NCMAP: variants seen among roughly 807,000 people sequenced by gnomAD.
NCMAP encodes the protein non-compact myelin associated protein, also known as noncompact myelin-associated protein.
In NCMAP, 8 loss-of-function variants were observed where a neutral mutation model predicts 7.8. The ratio of observed to expected loss-of-function variants is 1.02; its 90% confidence interval spans 0.60 to 1.84. The LOEUF is 1.84. Ranked by LOEUF, NCMAP falls within the 40% of genes most tolerant of loss-of-function variation. The pLI, the probability that NCMAP is intolerant of heterozygous loss-of-function variation, is 0.00. For synonymous variants in NCMAP, 41 were observed against 52.9 expected, an observed-to-expected ratio of 0.78 and a Z score of 0.98; for missense variants, 112 against 131.4, an observed-to-expected ratio of 0.85 and a Z score of 0.72.
chr1:24,594,366 G>T (rs1010592640), intron 1 of NCMAP, among the ~76,000 whole-genome samples: 2 of 152,016 alleles, frequency 1.3e-5, no homozygotes, highest in Non-Finnish European at 2.9e-5. Context: ...AAAATACATT[G>T]TACACTCAGA....
At chr1:24,603,800 A>G (rs929580365) in intron 3 of NCMAP, among the ~76,000 whole-genome samples, 1 of 150,384 alleles carries the variant, frequency 6.6e-6, no homozygotes, top group African/African-American at 2.5e-5. Context: ...AAAGTAATAG[A>G]GAGAAAAAAA....
intron 1 of NCMAP, among the ~76,000 whole-genome samples, chr1:24,591,406 T>G (rs998910818): frequency 2.1e-4 from 32 of 152,346 alleles, no homozygotes; most frequent in South Asian, 1.2e-3. Flanking sequence ...TAGCTGGGAC[T>G]ATAGGCGTGC....
chr1:24,562,208 G>A (rs1015814226), intron 1 of NCMAP, among the ~76,000 whole-genome samples: 1 of 152,156 alleles, frequency 6.6e-6, no homozygotes, highest in East Asian at 1.9e-4. Context: ...CTAATTCCCA[G>A]TAACAGCGTC....
intron 1 of NCMAP, among the ~76,000 whole-genome samples, chr1:24,570,273 T>C (rs1651350308): frequency 6.6e-6 from 1 of 150,708 alleles, no homozygotes; most frequent in Admixed American, 6.6e-5. Context: ...AATATGCTTT[T>C]TGCTTAGAAA....
At chr1:24,599,134 G>T (rs749053742) in intron 2 of NCMAP, among the ~76,000 whole-genome samples, 6 of 151,416 alleles carry the variant, frequency 4.0e-5, no homozygotes, top group Non-Finnish European at 5.9e-5. Flanking sequence ...GCTAAAATTA[G>T]CCAGGTGTAA....
intron 1 of NCMAP, among the ~76,000 whole-genome samples, chr1:24,558,219 C>G (rs956996279): frequency 6.6e-6 from 1 of 152,226 alleles, no homozygotes; most frequent in Admixed American, 6.5e-5. Context: ...GTAGCACTTT[C>G]CATAATTGCC....
intron 1 of NCMAP, among the ~76,000 whole-genome samples, chr1:24,568,512 A>G (rs1651292190): frequency 6.6e-6 from 1 of 152,116 alleles, no homozygotes; most frequent in East Asian, 1.9e-4. Flanking sequence ...GGAGGAGGGG[A>G]GAGAAAGGAA....
Position 24,605,766 on chromosome 1 carries a change from C to G in NCMAP, c.*19C>G. 1 of 1,613,240 alleles carries G rather than the reference C, an allele frequency of 6.2e-7. No individual in the cohort carries two copies. Among genetic ancestry groups the G allele is most frequent in the African/African-American group, 1.3e-5 (1 of 75,042 alleles). On this transcript the variant is annotated 3_prime_UTR_variant, in exon 4 of 4. Transcript: ENST00000374392. ...GCGATGACCTCTACCCTGGCGCTAT[C>G]TCCACCACTGTCCAAAGAGCCTCTC...
intron 1 of NCMAP, among the ~76,000 whole-genome samples, chr1:24,593,515 A>G (rs1036833609): frequency 2.6e-5 from 4 of 152,088 alleles, no homozygotes; most frequent in African/African-American, 9.7e-5. Flanking sequence ...AAATAGAAAA[A>G]CTGAAGAAAA....
rs71032831 is a variant in NCMAP at position 24,597,617 on chromosome 1, GAGAAAGAAAGAAAGAAAGAAAGAAAGAA to G, written c.82+2135_82+2162del. ...AAGAAGAAAGAAAGAAAGAAAGAAA[GAGAAAGAAAGAAAGAAAGAAAGAAAGAA>G]AGAAAGAAAGAAAGAAAGAAAGAAA... On this transcript the variant is annotated intron_variant, in intron 2 of 3. Transcript: ENST00000374392. Among the ~76,000 whole-genome samples, 67 of 87,532 alleles carry G rather than the reference GAGAAAGAAAGAAAGAAAGAAAGAAAGAA, an allele frequency of 7.7e-4. 2 individuals are homozygous for G. The highest frequency in any genetic ancestry group is 2.9e-3 in the African/African-American group (62 of 21,224). The allele number at this position is 87,532 out of a possible 152,430, so 57.4% of individuals were successfully genotyped here.
At chr1:24,575,159 CGA>C (rs1262578473) in intron 1 of NCMAP, among the ~76,000 whole-genome samples, 1 of 151,654 alleles carries the variant, frequency 6.6e-6, no homozygotes, top group Non-Finnish European at 1.5e-5. Flanking sequence ...TGCAGTGACC[CGA>C]GATCGTGCCA....
At chr1:24,560,095 A>T (rs1651005278) in intron 1 of NCMAP, among the ~76,000 whole-genome samples, 1 of 142,334 alleles carries the variant, frequency 7.0e-6, no homozygotes, top group East Asian at 2.2e-4. Flanking sequence ...CGGGAAGCGG[A>T]GCTTGGAGTG....
At chr1:24,573,039 T>C (rs4648996) in intron 1 of NCMAP, among the ~76,000 whole-genome samples, 44,355 of 150,074 alleles carry the variant, frequency 0.3, 7,646 homozygotes, top group Admixed American at 0.44. Context: ...GGAGCAACCA[T>C]GACTGTGTGG....
intron 1 of NCMAP, among the ~76,000 whole-genome samples, chr1:24,582,609 A>C (rs896668636): frequency 6.6e-5 from 10 of 152,188 alleles, no homozygotes; most frequent in Admixed American, 2.0e-4. Flanking sequence ...CGAGCCAAGG[A>C]ATGCAGGCAG....
rs545363373 is a variant in NCMAP, at chr1:24,572,585, C to T, written c.-8+16416C>T. Among the ~76,000 whole-genome samples the T allele has an allele frequency of 1.3e-4, 20 of 150,072 alleles. 2 individuals carry two copies. The highest frequency in any genetic ancestry group is 5.1e-4 in the African/African-American group (20 of 39,476). ...ACACACCAGCCCACAGAGGCACACT[C>T]GCTTGCACACTTGCTCACACACTCA... On this transcript the variant is annotated intron_variant, in intron 1 of 3. Transcript: ENST00000374392.
At position 24,608,358 on chromosome 1, in the gene NCMAP, A is replaced by C. The variant is rs1652828821; in HGVS notation, c.*2611A>C. 6.6e-6 allele frequency: 1 copy of C among 152,252 alleles called. No individual in the cohort carries two copies. The highest frequency in any genetic ancestry group is 2.1e-4 in the South Asian group (1 of 4,830). The allele number at this position is 152,252 out of a possible 1,614,324, so 9.4% of individuals were successfully genotyped here. ...GGTTTGTCCATGTGTTTGAGTAGAG[A>C]TCAGGGTTCTGGCTTCCAGGCTGAA... is the stretch of plus-strand genomic sequence containing the variant. On this transcript the variant is annotated 3_prime_UTR_variant, in exon 4 of 4. Coordinates refer to ENST00000374392, the MANE Select transcript of NCMAP (RefSeq NM_001010980.5).
chr1:24,573,952 C>CAGAAAAAAAAA (rs1651466636), intron 1 of NCMAP, among the ~76,000 whole-genome samples: 1 of 84,454 alleles, frequency 1.2e-5, no homozygotes, highest in Admixed American at 1.3e-4. Flanking sequence ...CCAGAGAGGA[C>CAGAAAAAAAAA]AAAAAAAAAA....
intron 1 of NCMAP, among the ~76,000 whole-genome samples, chr1:24,564,535 A>C (rs552160193): frequency 6.7e-6 from 1 of 150,172 alleles, no homozygotes; most frequent in South Asian, 2.1e-4. Context: ...AAAAAAAACA[A>C]AAAAAAACCT....
Position 24,595,538 on chromosome 1 carries a change from G to A in NCMAP, c.82+26G>A, listed in dbSNP as rs140870670. 237 of 1,561,280 alleles carry A rather than the reference G, an allele frequency of 1.5e-4. No individual in the cohort carries two copies. In the African/African-American group the frequency reaches 3.0e-3, roughly 20 times the overall value. ...GTAAGGTCAAATTCGCTTAGAGGCT[G>A]GGGGAAGGATGGCAGGACCAGTGTC... On this transcript the variant is annotated intron_variant, in intron 2 of 3. Transcript: ENST00000374392.
Sources: allele counts gnomAD v4.1 joint callset (sites outside exome capture counted in the v4.1 genomes callset), GRCh38; gene constraint gnomAD v4.1.1; transcripts MANE v1.5; gene names NCBI Gene and HGNC (gene_info 2026-07-23, HGNC 2026-07-21).